SVOPL: variants seen among roughly 807,000 people sequenced by gnomAD.
SVOPL encodes putative transporter SVOPL.
A neutral mutation model predicts 61.0 loss-of-function variants in SVOPL; 60 were observed. The ratio of observed to expected loss-of-function variants is 0.98; its 90% CI spans 0.80 to 1.22. The LOEUF (loss-of-function observed/expected upper bound fraction) is 1.22, where lower values mean the gene tolerates loss of function less well. Ranked by LOEUF, SVOPL falls within the 50% of genes most tolerant of loss-of-function variation. The pLI, the probability that SVOPL is intolerant of heterozygous loss-of-function variation, is 0.00. For missense variants in SVOPL, 662 were observed against 643.9 expected, an observed-to-expected ratio of 1.03 and a Z score of -0.30; for synonymous variants, 279 against 250.0, an observed-to-expected ratio of 1.12 and a Z score of -1.09.
intron 1 of SVOPL, among the ~76,000 whole-genome samples, chr7:138,680,772 G>A (rs1355434805): frequency 6.6e-6 from 1 of 152,076 alleles, no homozygotes; most frequent in Non-Finnish European, 1.5e-5. Context: ...TAGACACGGA[G>A]TTTCACCGTG....
intron 7 of SVOPL, among the ~76,000 whole-genome samples, chr7:138,650,039 T>C (rs912017834): frequency 4.0e-5 from 6 of 151,880 alleles, no homozygotes; most frequent in African/African-American, 2.4e-5. Flanking sequence ...ACCGTGTTGG[T>C]CAGGCTGGTC....
chr7:138,696,264 G>T (rs1803063039), intron 1 of SVOPL, among the ~76,000 whole-genome samples: 1 of 150,992 alleles, frequency 6.6e-6, no homozygotes, highest in African/African-American at 2.4e-5. Context: ...CTTGTCTGTT[G>T]CCCAGGCTGG....
intron 4 of SVOPL, among the ~76,000 whole-genome samples, chr7:138,665,498 G>A (rs528883173): frequency 6.6e-6 from 1 of 152,056 alleles, no homozygotes; most frequent in African/African-American, 2.4e-5. Context: ...CTTCTGAGCT[G>A]TGATGGCCTA....
chr7:138,635,484 T>C (rs1800427427), intron 9 of SVOPL, among the ~76,000 whole-genome samples: 1 of 151,798 alleles, frequency 6.6e-6, no homozygotes, highest in Non-Finnish European at 1.5e-5. Context: ...GCAACCCTCC[T>C]GCCCCAGCCT....
intron 6 of SVOPL, among the ~76,000 whole-genome samples, chr7:138,657,482 C>G (rs1280195409): frequency 6.7e-6 from 1 of 148,638 alleles, no homozygotes; most frequent in Non-Finnish European, 1.5e-5. Flanking sequence ...TTAAAATACA[C>G]CTGAGAGAAG....
At chr7:138,660,364 T>G (rs1801950851) in intron 5 of SVOPL, 3 of 993,416 alleles carry the variant, frequency 3.0e-6, no homozygotes, top group Non-Finnish European at 2.4e-6. Context: ...TATTTGCTTT[T>G]TCTTTAATTA....
intron 1 of SVOPL, among the ~76,000 whole-genome samples, chr7:138,680,632 G>A (rs1374528814): frequency 1.3e-5 from 2 of 152,074 alleles, no homozygotes; most frequent in Admixed American, 6.6e-5. Flanking sequence ...AGGCTGGAGT[G>A]CAGTGGCCCG....
chr7:138,676,901 T>TC (rs1470037524), intron 3 of SVOPL, among the ~76,000 whole-genome samples: 1 of 84,918 alleles, frequency 1.2e-5, no homozygotes, highest in Admixed American at 1.0e-4. Flanking sequence ...TGGGGTTCCT[T>TC]TTTTTTTTTT....
intron 7 of SVOPL, among the ~76,000 whole-genome samples, chr7:138,650,480 T>C (rs1563119388): frequency 1.3e-5 from 2 of 151,844 alleles, no homozygotes; most frequent in Non-Finnish European, 1.5e-5. Context: ...ATTGGCTACC[T>C]AGGTCTGAAG....
In SVOPL at chr7:138,621,047, T is replaced by G. The variant is rs962732795; in HGVS notation, c.1352A>C (p.Gln451Pro). ...TCCCTGCAGGGTCCTTGGCTGTACC[T>G]GGGATATAAATGGTGCCACCATTGC... ...IGAMVAPFIS[Q>P]VLMSASILGA... Residue 451 changes from glutamine (Q) to proline (P), a missense_variant and splice_region_variant, in exon 14 of 16, where the codon CAG (glutamine) becomes CCG (proline). Coordinates refer to ENST00000674285, the MANE Select transcript of SVOPL (RefSeq NM_001139456.2). The G allele has an allele frequency of 4.3e-6, 7 of 1,613,382 alleles. No homozygotes were observed. The highest frequency in any genetic ancestry group is 3.3e-5 in the Admixed American group (2 of 59,924).
intron 14 of SVOPL, among the ~76,000 whole-genome samples, chr7:138,612,463 AGAAAGAT>A (rs1799095520): frequency 2.4e-5 from 1 of 41,712 alleles, no homozygotes; most frequent in Non-Finnish European, 5.2e-5. Flanking sequence ...AAAAAAAAAA[AGAAAGAT>A]AAGACTTTAT....
chr7:138,685,227 C>T lies in SVOPL; in HGVS notation c.-34-6148G>A, dbSNP rs139709527. On this transcript the variant is annotated intron_variant, in intron 1 of 15. Coordinates refer to ENST00000674285, the MANE Select transcript of SVOPL (RefSeq NM_001139456.2). ...GATTACAGGTGTGAGTCACTGTGCC[C>T]GGCCACAATGGAATATTATTCATCT... Among the ~76,000 whole-genome samples the T allele has an allele frequency of 3.1e-3, 472 of 152,158 alleles. 3 individuals carry two copies. The highest frequency in any genetic ancestry group is 0.01 in the African/African-American group (431 of 41,524).
At chr7:138,643,145 G>A (rs1800913159) in intron 9 of SVOPL, among the ~76,000 whole-genome samples, 1 of 152,056 alleles carries the variant, frequency 6.6e-6, no homozygotes, top group South Asian at 2.1e-4. Context: ...GTGAGGCCTT[G>A]GCCAGGTGCG....
chr7:138,597,549 G>T (rs534751005), intron 14 of SVOPL, among the ~76,000 whole-genome samples: 1 of 147,846 alleles, frequency 6.8e-6, no homozygotes, highest in East Asian at 1.9e-4. Context: ...TAATTATTTT[G>T]CAATTGACCT....
chr7:138,630,173 G>A lies in SVOPL; in HGVS notation c.790-51C>T, dbSNP rs541444866. The A allele has an allele frequency of 1.9e-4, 280 of 1,455,116 alleles. 1 individual carries two copies. The highest frequency in any genetic ancestry group is 1.8e-4 in the East Asian group (8 of 44,008). 90.1% of individuals were successfully genotyped at this position (1,455,116 alleles called of 1,614,324 possible). A position where few individuals can be genotyped will look rare whatever the true frequency, so the allele number is the denominator to read the frequency against. On this transcript the variant is annotated intron_variant, in intron 9 of 15. Transcript: ENST00000674285. ...CATACTCAGCAGCTTAAGGATGAAC[G>A]GAGATGTTTCCACTGTTTTCGATCA...
chr7:138,661,311 G>A (rs965004329), intron 5 of SVOPL: 3 of 985,278 alleles, frequency 3.0e-6, no homozygotes, highest in Non-Finnish European at 3.6e-6. Flanking sequence ...ATACCAACAT[G>A]AGCAAAATGT....
chr7:138,607,355 T>G (rs190402861), intron 14 of SVOPL, among the ~76,000 whole-genome samples: 4 of 152,178 alleles, frequency 2.6e-5, no homozygotes, highest in Admixed American at 1.3e-4. Context: ...GGTCTAATAT[T>G]GAGCAATAAG....
chr7:138,634,982 A>T (rs945381731), intron 9 of SVOPL, among the ~76,000 whole-genome samples: 8 of 152,100 alleles, frequency 5.3e-5, no homozygotes, highest in Non-Finnish European at 8.8e-5. Flanking sequence ...TAAAAGGTTA[A>T]TATGGGCCGG....
At chr7:138,695,284 G>A (rs75458585) in intron 1 of SVOPL, among the ~76,000 whole-genome samples, 2,547 of 152,214 alleles carry the variant, frequency 0.017, 63 homozygotes, top group African/African-American at 0.059. Context: ...AGCCGAGGTG[G>A]GCGGATTGCT....
Sources: allele counts gnomAD v4.1 joint callset (sites outside exome capture counted in the v4.1 genomes callset), GRCh38; gene constraint gnomAD v4.1.1; transcripts MANE v1.5; gene names NCBI Gene and HGNC (gene_info 2026-07-23, HGNC 2026-07-21).